SRGAP3: variants seen among roughly 807,000 people sequenced by gnomAD.
SRGAP3 encodes SLIT-ROBO Rho GTPase-activating protein 3.
SRGAP3 carries 39 observed loss-of-function variants against 121.1 expected under a neutral mutation model. The observed-to-expected ratio is 0.32, with a 90% CI of 0.25 to 0.42. The LOEUF is 0.42. SRGAP3 is among the 10% of genes least tolerant of loss of function. SRGAP3 has a pLI of 1.00. For synonymous variants in SRGAP3, 601 were observed against 570.0 expected (o/e 1.05, Z -0.77); for missense variants, 1,213 against 1,470.6 (o/e 0.82, Z 2.86).
intron 1 of SRGAP3, among the ~76,000 whole-genome samples, chr3:9,161,614 G>A (rs1169291454): frequency 6.6e-6 from 1 of 152,228 alleles, no homozygotes; most frequent in Admixed American, 6.5e-5. Flanking sequence ...GCTCCAGGAG[G>A]TTTCTCGGAA....
chr3:9,327,916 A>C (rs112194613), intron 2 of SRGAP3, among the ~76,000 whole-genome samples: 2,419 of 152,320 alleles, frequency 0.016, 68 homozygotes, highest in African/African-American at 0.053. Context: ...CTTTTTATAT[A>C]AGATCTCTTT....
chr3:9,073,099 T>G (rs993608724), intron 4 of SRGAP3, among the ~76,000 whole-genome samples: 2 of 152,238 alleles, frequency 1.3e-5, no homozygotes, highest in African/African-American at 2.4e-5. Context: ...TGAAGTATCA[T>G]TTCCTTCCAC....
rs915888466 is a variant in SRGAP3, at chr3:8,985,250, C to G, written c.*269G>C. 4 of 598,568 alleles carry G rather than the reference C, an allele frequency of 6.7e-6. No homozygotes were observed. The East Asian group carries it at 1.3e-4, about 19-fold the overall frequency. 37.1% of individuals were successfully genotyped at this position (598,568 alleles called of 1,614,324 possible). On this transcript the variant is annotated 3_prime_UTR_variant, in exon 22 of 22. Transcript: ENST00000383836. This position sits in a 1 kb window ranked among gnomAD's most constrained non-coding sequence, Gnocchi z 5.1. ...GCGGGAGAAGCCATGTGGTATTTTG[C>G]CTCCATGTTAGGGAATGCTGTGGTT...
At chr3:9,071,643 GAT>G (rs1560074268) in intron 4 of SRGAP3, among the ~76,000 whole-genome samples, 2 of 23,946 alleles carry the variant, frequency 8.4e-5, no homozygotes, top group African/African-American at 3.6e-4. Flanking sequence ...CTCAAAGGTG[GAT>G]GGATGGATGG....
At chr3:9,015,867 GC>G (rs943655339) in intron 14 of SRGAP3, 136 bp from the exon 15 acceptor site, 5 of 931,846 alleles carry the variant, frequency 5.4e-6, no homozygotes, top group Non-Finnish European at 8.4e-6. Flanking sequence ...CACATATGAG[GC>G]CCCCCACTTC....
rs79362157 is a variant in SRGAP3 at position 9,026,972 on chromosome 3, A to C, written c.1563T>G (p.Leu521=). ...TGTAACGGATGCAGCTCTCGACTAC[A>C]AGCGGTATAGCTTGTCCTGAATCCT... ...FIKDSGQAIP[L]VVESCIRYIN... is the part of the protein sequence containing the mutation. Residue 521 remains leucine, a synonymous_variant, in exon 13 of 22, where the codon CTT becomes CTG. Coordinates refer to ENST00000383836, the MANE Select transcript of SRGAP3 (RefSeq NM_014850.4). 7.4e-4 allele frequency: 1,196 copies of C among 1,614,232 alleles called. 8 individuals are homozygous for C. The African/African-American group carries it at 0.014, about 18-fold the overall frequency.
chr3:8,997,831 A>G (rs934867350), intron 18 of SRGAP3, among the ~76,000 whole-genome samples: 9 of 152,042 alleles, frequency 5.9e-5, no homozygotes, highest in African/African-American at 2.2e-4. Context: ...AGTTATAAAC[A>G]TCAGTATACT....
intron 2 of SRGAP3, among the ~76,000 whole-genome samples, chr3:9,119,573 A>C (rs1006118092): frequency 6.6e-6 from 1 of 151,404 alleles, no homozygotes; most frequent in East Asian, 1.9e-4. Flanking sequence ...ACCCTTTGAC[A>C]CTCCTCCAAT....
chr3:9,051,912 C>A (rs1252649172), intron 9 of SRGAP3, among the ~76,000 whole-genome samples: 1 of 152,146 alleles, frequency 6.6e-6, no homozygotes, highest in South Asian at 2.1e-4. Context: ...GGGTTTTCAC[C>A]GTGTTGCCCA....
chr3:9,194,620 C>T (rs1306401346), intron 1 of SRGAP3, among the ~76,000 whole-genome samples: 2 of 152,204 alleles, frequency 1.3e-5, no homozygotes, highest in African/African-American at 4.8e-5. Flanking sequence ...GAGAGGTCAT[C>T]TGATCCCCTA....
intron 1 of SRGAP3, chr3:9,217,875 G>A (rs1331518234): frequency 6.6e-6 from 1 of 152,212 alleles, no homozygotes; most frequent in African/African-American, 2.4e-5. Flanking sequence ...GCCACCAAGA[G>A]TCACAGAGGC....
Position 8,981,486 on chromosome 3 carries a change from C to A in SRGAP3, c.*4033G>T. ...GGAATAGAAAGACTGAGAGGAAGAA[C>A]CATTACCCGAGTCCTCGTGTTTTTC... On this transcript the variant is annotated 3_prime_UTR_variant, in exon 22 of 22. Transcript: ENST00000383836. The A allele has an allele frequency of 4.3e-6, 1 of 232,572 alleles. No individual in the cohort carries two copies. The highest frequency in any genetic ancestry group is 1.3e-3 in the Middle Eastern group (1 of 782). The allele number at this position is 232,572 out of a possible 1,614,324, so 14.4% of individuals were successfully genotyped here.
intron 1 of SRGAP3, among the ~76,000 whole-genome samples, chr3:9,203,978 C>G (rs888614697): frequency 1.3e-5 from 2 of 152,150 alleles, no homozygotes; most frequent in African/African-American, 4.8e-5. Context: ...GGCCCATTCC[C>G]CCACGCCCCA....
chr3:9,283,697 A>G (rs1484308572), intron 3 of SRGAP3, among the ~76,000 whole-genome samples: 1 of 152,190 alleles, frequency 6.6e-6, no homozygotes, highest in African/African-American at 2.4e-5. Flanking sequence ...ATTTTTTTAA[A>G]AAAAAGAAAA....
At chr3:9,290,644 T>C (rs1954855017) in intron 3 of SRGAP3, among the ~76,000 whole-genome samples, 1 of 152,212 alleles carries the variant, frequency 6.6e-6, no homozygotes, top group South Asian at 2.1e-4. Context: ...AACTCACTTA[T>C]CAAAACTTGC....
At chr3:9,019,424 G>C (rs943134420) in intron 14 of SRGAP3, among the ~76,000 whole-genome samples, 5 of 152,242 alleles carry the variant, frequency 3.3e-5, no homozygotes, top group African/African-American at 1.2e-4. Flanking sequence ...TATCTCAGGG[G>C]AGTAGCACTT....
At chr3:9,098,400 T>C (rs923942155) in intron 3 of SRGAP3, among the ~76,000 whole-genome samples, 2 of 152,128 alleles carry the variant, frequency 1.3e-5, no homozygotes, top group African/African-American at 2.4e-5. Flanking sequence ...ACCTCCCGAG[T>C]AGCTGGGACC....
chr3:9,255,546 C>T (rs1489836391), intron 3 of SRGAP3, among the ~76,000 whole-genome samples: 4 of 152,214 alleles, frequency 2.6e-5, no homozygotes, highest in African/African-American at 9.6e-5. Flanking sequence ...CAGCTGGCCC[C>T]TGCTGGGGCC....
chr3:9,055,681 G>A (rs1047046901), intron 8 of SRGAP3, among the ~76,000 whole-genome samples: 2 of 152,296 alleles, frequency 1.3e-5, no homozygotes, highest in African/African-American at 4.8e-5. Flanking sequence ...TATTTCTAAT[G>A]ATAAAACAGA....
Sources: allele counts gnomAD v4.1 joint callset (sites outside exome capture counted in the v4.1 genomes callset), GRCh38; gene constraint gnomAD v4.1.1; non-coding constraint Gnocchi (gnomAD v3.1); transcripts MANE v1.5; gene names NCBI Gene and HGNC (gene_info 2026-07-23, HGNC 2026-07-21).